Variants in PTPRG observed in about 807,000 individuals in gnomAD.
The protein encoded by PTPRG is receptor-type tyrosine-protein phosphatase gamma.
In PTPRG, 102 loss-of-function variants were observed where a neutral mutation model predicts 165.3. The observed-to-expected ratio is 0.62, with a 90% CI of 0.53 to 0.73. The LOEUF is 0.73. Ranked by LOEUF, PTPRG falls within the 30% of genes least tolerant of loss-of-function variation. The pLI is 0.00. For missense variants in PTPRG, 1,866 were observed against 1,861.4 expected, an observed-to-expected ratio of 1.00 and a Z score of -0.05; for synonymous variants, 675 against 669.5, an observed-to-expected ratio of 1.01 and a Z score of -0.13.
chr3:61,562,863 G>T (rs1444258474), intron 1 of PTPRG, among the ~76,000 whole-genome samples: 2 of 152,138 alleles, frequency 1.3e-5, no homozygotes, highest in Non-Finnish European at 2.9e-5. Flanking sequence ...GGAGGGCTAG[G>T]TTTCGGGGAA....
rs1156698334 is a variant in PTPRG at position 62,294,078 on chromosome 3, A to G, written c.*771A>G. The stretch of plus-strand genomic sequence containing the variant: ...TGACTCTCTAAAATAGCTACATCCT[A>G]AAATCAGGGCTATCTTTAACAATAG... On this transcript the variant is annotated 3_prime_UTR_variant, in exon 30 of 30. Coordinates refer to ENST00000474889, the MANE Select transcript of PTPRG (RefSeq NM_002841.4). 6.6e-6 allele frequency: 1 copy of G among 152,416 alleles called. No individual in the cohort carries two copies. The highest frequency in any genetic ancestry group is 1.5e-5 in the Non-Finnish European group (1 of 67,998). 9.4% of individuals were successfully genotyped at this position (152,416 alleles called of 1,614,324 possible).
At chr3:61,721,818 A>T (rs1012276201) in intron 1 of PTPRG, among the ~76,000 whole-genome samples, 9 of 152,310 alleles carry the variant, frequency 5.9e-5, no homozygotes, top group Admixed American at 1.3e-4. Flanking sequence ...AGTTAGTATA[A>T]ATACTGGAGA....
intron 2 of PTPRG, among the ~76,000 whole-genome samples, chr3:61,926,894 A>G (rs1480398656): frequency 6.6e-6 from 1 of 150,792 alleles, no homozygotes. Context: ...AATTAAAACA[A>G]AAACGAAAAA....
intron 5 of PTPRG, among the ~76,000 whole-genome samples, chr3:62,123,228 G>T (rs1040238131): frequency 1.3e-5 from 2 of 152,180 alleles, no homozygotes; most frequent in African/African-American, 4.8e-5. Context: ...GCAGAACCCA[G>T]TTCCTCAAGG....
At chr3:61,623,026 C>T (rs1386809965) in intron 1 of PTPRG, among the ~76,000 whole-genome samples, 2 of 152,122 alleles carry the variant, frequency 1.3e-5, no homozygotes, top group Admixed American at 6.6e-5. Flanking sequence ...CACTGTGTAT[C>T]TTAATATCAG....
intron 2 of PTPRG, among the ~76,000 whole-genome samples, chr3:61,899,818 T>A (rs1276535008): frequency 6.6e-6 from 1 of 152,190 alleles, no homozygotes; most frequent in African/African-American, 2.4e-5. Flanking sequence ...GTCGTGGGAT[T>A]TAGCAGCTGT....
intron 2 of PTPRG, among the ~76,000 whole-genome samples, chr3:61,783,499 G>A (rs2107092046): frequency 6.6e-6 from 1 of 152,298 alleles, no homozygotes; most frequent in South Asian, 2.1e-4. Context: ...AAATGCATTG[G>A]TTGCTATAGG....
chr3:61,816,154 A>G (rs2035756044), intron 2 of PTPRG, among the ~76,000 whole-genome samples: 1 of 152,180 alleles, frequency 6.6e-6, no homozygotes, highest in South Asian at 2.1e-4. Flanking sequence ...ATGAAGTTCA[A>G]ATAGCAAGGC....
intron 1 of PTPRG, among the ~76,000 whole-genome samples, chr3:61,726,669 A>G (rs1466423698): frequency 6.6e-6 from 1 of 152,130 alleles, no homozygotes; most frequent in African/African-American, 2.4e-5. Flanking sequence ...GATTATTATT[A>G]TTGTATTTTT....
intron 4 of PTPRG, among the ~76,000 whole-genome samples, chr3:62,043,130 C>CA (rs1336904937): frequency 1.3e-5 from 2 of 152,098 alleles, no homozygotes; most frequent in African/African-American, 4.8e-5. Context: ...ATGAGAAAGG[C>CA]AAAACTCATT....
At chr3:61,964,732 G>A (rs1052593355) in intron 2 of PTPRG, among the ~76,000 whole-genome samples, 3 of 151,832 alleles carry the variant, frequency 2.0e-5, no homozygotes, top group South Asian at 4.2e-4. Flanking sequence ...GGTTTTACAC[G>A]CGTGGCTCAG....
At chr3:61,830,644 G>C (rs56310921) in intron 2 of PTPRG, among the ~76,000 whole-genome samples, 6 of 137,946 alleles carry the variant, frequency 4.3e-5, no homozygotes, top group East Asian at 4.4e-4. Flanking sequence ...CCGTGATCTC[G>C]GTTCACTGCA....
chr3:61,632,879 A>G (rs186886832), intron 1 of PTPRG, among the ~76,000 whole-genome samples: 1 of 152,174 alleles, frequency 6.6e-6, no homozygotes, highest in Admixed American at 6.5e-5. Flanking sequence ...GTTCTGCAAG[A>G]TTCCACATGA....
chr3:62,124,669 G>A (rs1161141591), intron 5 of PTPRG: 15 of 701,296 alleles, frequency 2.1e-5, no homozygotes, highest in Admixed American at 1.0e-4. Flanking sequence ...TCAGGCCACC[G>A]CTGCCGCCTG....
intron 1 of PTPRG, among the ~76,000 whole-genome samples, chr3:61,694,590 C>G (rs1461483262): frequency 6.6e-6 from 1 of 152,098 alleles, no homozygotes; most frequent in Non-Finnish European, 1.5e-5. Context: ...CATATCTCTA[C>G]CAAGGTTTAT....
chr3:61,691,081 A>G (rs2030176457), intron 1 of PTPRG, among the ~76,000 whole-genome samples: 1 of 151,022 alleles, frequency 6.6e-6, no homozygotes, highest in East Asian at 1.9e-4. Context: ...TGTATATATG[A>G]CATGGAAAAA....
chr3:61,586,983 A>AGTC (rs1013309200), intron 1 of PTPRG, among the ~76,000 whole-genome samples: 15 of 152,006 alleles, frequency 9.9e-5, no homozygotes, highest in Non-Finnish European at 2.1e-4. Context: ...AGAACAGGGG[A>AGTC]GTCTGTGATG....
At chr3:62,106,190 T>C (rs1702466728) in intron 5 of PTPRG, among the ~76,000 whole-genome samples, 1 of 152,196 alleles carries the variant, frequency 6.6e-6, no homozygotes, top group African/African-American at 2.4e-5. Context: ...TATATGGTTT[T>C]GCCATCATGG....
intron 6 of PTPRG, among the ~76,000 whole-genome samples, chr3:62,149,140 T>A (rs1704231213): frequency 6.6e-6 from 1 of 152,146 alleles, no homozygotes; most frequent in African/African-American, 2.4e-5. Context: ...TCATTCCCAT[T>A]ACATCCTACT....
Sources: allele counts gnomAD v4.1 joint callset (sites outside exome capture counted in the v4.1 genomes callset), GRCh38; gene constraint gnomAD v4.1.1; transcripts MANE v1.5; gene names NCBI Gene and HGNC (gene_info 2026-07-23, HGNC 2026-07-21).